GPR107: variants seen among roughly 807,000 people sequenced by gnomAD.
GPR107 encodes the protein G protein-coupled receptor 107.
A neutral mutation model predicts 75.5 loss-of-function variants in GPR107; 31 were observed. The observed-to-expected ratio is 0.41, with a 90% CI of 0.31 to 0.55. The LOEUF (loss-of-function observed/expected upper bound fraction) is 0.55. GPR107 is among the 20% of genes least tolerant of loss of function. GPR107 has a pLI of 0.26. For synonymous variants in GPR107, 267 were observed against 251.3 expected, an observed-to-expected ratio of 1.06 and a Z score of -0.59; for missense variants, 572 against 665.7, an observed-to-expected ratio of 0.86 and a Z score of 1.55.
At chr9:130,079,138 A>G (rs967417671) in intron 4 of GPR107, among the ~76,000 whole-genome samples, 31 of 151,866 alleles carry the variant, frequency 2.0e-4, no homozygotes, top group Non-Finnish European at 1.5e-5. Flanking sequence ...TTTTTTTGTA[A>G]TTTTAGTAGA....
chr9:130,059,616 AT>A (rs1239056500), intron 1 of GPR107, among the ~76,000 whole-genome samples: 1 of 152,196 alleles, frequency 6.6e-6, no homozygotes, highest in Non-Finnish European at 1.5e-5. Flanking sequence ...TAACAAAAAA[AT>A]CCTTAGTATC....
chr9:130,117,364 G>A (rs1831451582), intron 14 of GPR107, among the ~76,000 whole-genome samples: 1 of 152,140 alleles, frequency 6.6e-6, no homozygotes, highest in Non-Finnish European at 1.5e-5. Flanking sequence ...CTCCTGATAT[G>A]GTCTTTGAGT....
chr9:130,109,567 C>CTTT lies in GPR107; in HGVS notation c.1306+2029_1306+2031dup, dbSNP rs1554896235. Among the ~76,000 whole-genome samples, 2 of 26,234 alleles carry CTTT rather than the reference C, an allele frequency of 7.6e-5. 1 individual carries two copies. 17.2% of individuals were successfully genotyped at this position (26,234 alleles called of 152,430 possible). ...AACTTGGTGAACAGGTAGTCTTTTT[C>CTTT]TTTCTTTTTTTTTTTTTTTGGAGAC... is the stretch of plus-strand genomic sequence containing the variant. On this transcript the variant is annotated intron_variant, in intron 14 of 17. Coordinates refer to ENST00000347136, the MANE Select transcript of GPR107 (RefSeq NM_020960.5).
chr9:130,094,004 G>C (rs1039264231), intron 9 of GPR107, among the ~76,000 whole-genome samples: 1 of 152,018 alleles, frequency 6.6e-6, no homozygotes, highest in Non-Finnish European at 1.5e-5. Flanking sequence ...TAGTAGAGAC[G>C]GGCTTTCACC....
chr9:130,109,986 A>G (rs186675321), intron 14 of GPR107, among the ~76,000 whole-genome samples: 77 of 152,286 alleles, frequency 5.1e-4, no homozygotes, highest in Middle Eastern at 3.4e-3. Flanking sequence ...AAAAATCCCA[A>G]GGGCGGTGCT....
intron 14 of GPR107, among the ~76,000 whole-genome samples, chr9:130,111,350 G>C (rs1831296648): frequency 6.6e-6 from 1 of 152,018 alleles, no homozygotes; most frequent in African/African-American, 2.4e-5. Flanking sequence ...GGGCAACATG[G>C]CAAAACCCCA....
chr9:130,108,255 C>T (rs1465687632), intron 14 of GPR107, among the ~76,000 whole-genome samples: 1 of 152,130 alleles, frequency 6.6e-6, no homozygotes, highest in African/African-American at 2.4e-5. Context: ...TATCGTACAC[C>T]CAGTGTGGAT....
chr9:130,068,656 T>TTAAA (rs1261723541), intron 1 of GPR107, among the ~76,000 whole-genome samples: 2 of 152,120 alleles, frequency 1.3e-5, no homozygotes, highest in African/African-American at 4.8e-5. Flanking sequence ...AGTTCTGACA[T>TTAAA]TTAGTTAAAA....
At chr9:130,084,174 G>GA (rs2132577136) in intron 6 of GPR107, among the ~76,000 whole-genome samples, 1 of 151,190 alleles carries the variant, frequency 6.6e-6, no homozygotes, top group South Asian at 2.1e-4. Context: ...GAGGTTGGGG[G>GA]ATCACTTGAG....
intron 14 of GPR107, chr9:130,110,540 G>A (rs574387960): frequency 1.6e-5 from 11 of 676,184 alleles, no homozygotes; most frequent in Admixed American, 9.1e-5. Flanking sequence ...AGATTAGAAC[G>A]GGATTGTCAT....
chr9:130,078,873 G>A (rs1034531880), intron 4 of GPR107, among the ~76,000 whole-genome samples: 6 of 152,340 alleles, frequency 3.9e-5, no homozygotes, highest in Middle Eastern at 3.4e-3. Context: ...ACAAAATTGG[G>A]TCTCATGAGA....
In GPR107 at chr9:130,110,510, C is replaced by G. The variant is rs1831269884; in HGVS notation, c.1306+2971C>G. 5.3e-6 allele frequency: 4 copies of G among 753,444 alleles called. No homozygotes were observed. In the East Asian group the frequency reaches 1.1e-4, roughly 20 times the overall value. The allele number at this position is 753,444 out of a possible 1,614,324, so 46.7% of individuals were successfully genotyped here. A position where few individuals can be genotyped will look rare whatever the true frequency, so the allele number is the denominator to read the frequency against. ...TTCTCATCAGCAAATATCACAAATA[C>G]TCTGAAAGAGGGACAGAGCAGATTA... On this transcript the variant is annotated intron_variant, in intron 14 of 17. Coordinates refer to ENST00000347136, the MANE Select transcript of GPR107 (RefSeq NM_020960.5).
intron 9 of GPR107, among the ~76,000 whole-genome samples, chr9:130,093,209 C>CTT (rs11390407): frequency 2.0e-5 from 3 of 151,634 alleles, no homozygotes; most frequent in South Asian, 2.1e-4. Flanking sequence ...GGCTTTTAGC[C>CTT]TTTTTTTTCT....
At chr9:130,096,837 T>C (rs1389515330) in intron 9 of GPR107, among the ~76,000 whole-genome samples, 1 of 152,238 alleles carries the variant, frequency 6.6e-6, no homozygotes, top group African/African-American at 2.4e-5. Flanking sequence ...ACATAAAATA[T>C]CTATAGACGT....
rs1395324550 is a variant in GPR107 at position 130,128,545 on chromosome 9, G to A, written c.1441-95G>A. 4 of 1,028,164 alleles carry A rather than the reference G, an allele frequency of 3.9e-6. No homozygotes were observed. The African/African-American group carries it at 4.7e-5, about 12-fold the overall frequency. The allele number at this position is 1,028,164 out of a possible 1,614,324, so 63.7% of individuals were successfully genotyped here. A position where few individuals can be genotyped will look rare whatever the true frequency, so the allele number is the denominator to read the frequency against. The stretch of plus-strand genomic sequence containing the variant: ...TGAGTAAAGAACCATCGAGTGGTGG[G>A]TTGTGGGGAAATATGTCAGTTTGTT... On this transcript the variant is annotated intron_variant, in intron 16 of 17. Coordinates refer to ENST00000347136, the MANE Select transcript of GPR107 (RefSeq NM_020960.5).
chr9:130,110,539 C>A, intron 14 of GPR107: 1 of 680,878 alleles, frequency 1.5e-6, no homozygotes, highest in Non-Finnish European at 2.7e-6. Context: ...CAGATTAGAA[C>A]GGGATTGTCA....
At position 130,101,629 on chromosome 9, in the gene GPR107, G is replaced by A. The variant is rs566183626; in HGVS notation, c.1131+406G>A. Among the ~76,000 whole-genome samples, 29 of 152,370 alleles carry A rather than the reference G, an allele frequency of 1.9e-4. No individual in the cohort carries two copies. In the South Asian group the frequency reaches 6.0e-3, roughly 32 times the overall value. On this transcript the variant is annotated intron_variant, in intron 12 of 17. Coordinates refer to ENST00000347136, the MANE Select transcript of GPR107 (RefSeq NM_020960.5). ...CTACACCAGTGAGTTTCCACAGGTA[G>A]AATATGGTAGTAGACGTGAGGGGCA...
At chr9:130,072,365 G>A (rs565392716) in intron 1 of GPR107, among the ~76,000 whole-genome samples, 3 of 152,034 alleles carry the variant, frequency 2.0e-5, no homozygotes, top group East Asian at 1.9e-4. Context: ...GACTACAGGC[G>A]CGTGCCACCT....
At chr9:130,065,974 C>T (rs1830059004) in intron 1 of GPR107, among the ~76,000 whole-genome samples, 1 of 96,666 alleles carries the variant, frequency 1.0e-5, no homozygotes, top group South Asian at 3.9e-4. Flanking sequence ...CATTTATTCA[C>T]TCCCCCCCAA....
Sources: allele counts gnomAD v4.1 joint callset (sites outside exome capture counted in the v4.1 genomes callset), GRCh38; gene constraint gnomAD v4.1.1; transcripts MANE v1.5; gene names NCBI Gene and HGNC (gene_info 2026-07-23, HGNC 2026-07-21).